CASR: variants seen among roughly 807,000 people sequenced by gnomAD.
CASR encodes extracellular calcium-sensing receptor.
Under a neutral mutation model 69.1 loss-of-function variants are expected in CASR, and 23 were observed. The observed-to-expected ratio is 0.33, with a 90% CI of 0.24 to 0.47. The LOEUF (loss-of-function observed/expected upper bound fraction) is 0.47, where lower values mean the gene tolerates loss of function less well. CASR is among the 20% of genes least tolerant of loss of function. The pLI is 1.00. For missense variants in CASR, 924 were observed against 1,356.1 expected, an observed-to-expected ratio of 0.68 and a Z score of 5.00; for synonymous variants, 541 against 544.7, an observed-to-expected ratio of 0.99 and a Z score of 0.10.
At chr3:122,270,380 C>T (rs1266523041) in intron 4 of CASR, among the ~76,000 whole-genome samples, 1 of 152,104 alleles carries the variant, frequency 6.6e-6, no homozygotes, top group Admixed American at 6.6e-5. Flanking sequence ...TGTAAATATG[C>T]ATCTTCTCCC....
Position 122,262,396 on chromosome 3 carries a change from A to T in CASR, c.1361A>T (p.Lys454Ile). ...FTNGSCADIK[K>I]VEAWQVLKHL... is the part of the protein sequence containing the mutation. ...AATGGCTCCTGTGCAGACATCAAGA[A>T]AGTTGAGGCGTGGCAGGTGCGTCCT... is the stretch of plus-strand genomic sequence containing the variant. Residue 454 changes from lysine (K) to isoleucine (I), a missense_variant, in exon 4 of 7, where the codon AAA (lysine) becomes ATA (isoleucine). By Grantham distance (102) the Lys-to-Ile change is moderately radical. This residue lies in a region of CASR where 310 missense variants were observed against 395.7 expected (regional missense o/e 0.78). Coordinates refer to ENST00000639785, the MANE Select transcript of CASR (RefSeq NM_000388.4). 1 of 1,613,220 alleles carries T rather than the reference A, an allele frequency of 6.2e-7. No homozygotes were observed.
chr3:122,206,631 G>T (rs531134721), intron 1 of CASR, among the ~76,000 whole-genome samples: 1 of 151,850 alleles, frequency 6.6e-6, no homozygotes, highest in East Asian at 1.9e-4. Context: ...TAATTTTTTT[G>T]AAGTGTTTGG....
In CASR at chr3:122,254,496, G is replaced by A. The variant is rs2074533589; in HGVS notation, c.185+122G>A. ...TCTTTTCAAGAATAGTGATTGATTG[G>A]TAATCATGCTGAAGCTTATTGCCCC... On this transcript the variant is annotated intron_variant, in intron 2 of 6. Transcript: ENST00000639785. The A allele has an allele frequency of 6.0e-6, 6 of 996,964 alleles. No individual in the cohort carries two copies. In the South Asian group the frequency reaches 6.8e-5, roughly 11 times the overall value. 61.8% of individuals were successfully genotyped at this position (996,964 alleles called of 1,614,324 possible).
Position 122,184,816 on chromosome 3 carries a change from C to A in CASR, c.-243+1004C>A, listed in dbSNP as rs559287698. On this transcript the variant is annotated intron_variant, in intron 1 of 6. Coordinates refer to ENST00000639785, the MANE Select transcript of CASR (RefSeq NM_000388.4). ...CCAAAACGCCTGCTGTTGGTAGTTT[C>A]TTGTGCCTCTGCCTTGTTTCTGCCT... Among the ~76,000 whole-genome samples, 23 of 152,372 alleles carry A rather than the reference C, an allele frequency of 1.5e-4. No individual in the cohort carries two copies. In the South Asian group the frequency reaches 4.6e-3, roughly 30 times the overall value.
At chr3:122,268,204 A>C (rs1436096508) in intron 4 of CASR, among the ~76,000 whole-genome samples, 1 of 152,238 alleles carries the variant, frequency 6.6e-6, no homozygotes, top group Non-Finnish European at 1.5e-5. Context: ...TATTATGAGG[A>C]TACCATTACT....
Position 122,291,179 on chromosome 3 carries a change from A to G in CASR, c.*5988A>G, listed in dbSNP as rs568684373. On this transcript the variant is annotated 3_prime_UTR_variant, in exon 7 of 7. Transcript: ENST00000639785. ...AGTCTTTGCTATTGTGAATAGTGCC[A>G]CAATAAACATATGTGTGCATGTGTC... 79 of 150,186 alleles carry G rather than the reference A, an allele frequency of 5.3e-4. No individual in the cohort carries two copies. Among genetic ancestry groups the G allele is most frequent in the Middle Eastern group, 3.4e-3 (1 of 290 alleles). 9.3% of individuals were successfully genotyped at this position (150,186 alleles called of 1,614,324 possible). A position where few individuals can be genotyped will look rare whatever the true frequency, so the allele number is the denominator to read the frequency against.
In CASR at chr3:122,261,163, A is replaced by C. The variant is rs561211722; in HGVS notation, c.493-365A>C. ...GATATATTATAACCAATGAGGCAGC[A>C]CAGAGGAGGTTAGAGAAGACATGAA... is the stretch of plus-strand genomic sequence containing the variant. On this transcript the variant is annotated intron_variant, in intron 3 of 6. Coordinates refer to ENST00000639785, the MANE Select transcript of CASR (RefSeq NM_000388.4). Among the ~76,000 whole-genome samples, 8 of 152,358 alleles carry C rather than the reference A, an allele frequency of 5.3e-5. No homozygotes were observed. In the East Asian group the frequency reaches 1.5e-3, roughly 29 times the overall value.
intron 1 of CASR, among the ~76,000 whole-genome samples, chr3:122,208,896 A>T (rs1313953444): frequency 6.6e-6 from 1 of 152,162 alleles, no homozygotes; most frequent in Admixed American, 6.5e-5. Flanking sequence ...ATTTAGGCTA[A>T]CGTAGTGGAG....
At chr3:122,227,727 G>T (rs947015130) in intron 1 of CASR, among the ~76,000 whole-genome samples, 1 of 152,056 alleles carries the variant, frequency 6.6e-6, no homozygotes, top group Non-Finnish European at 1.5e-5. Context: ...CTGCCAGCAC[G>T]CTGTCACCTC....
chr3:122,248,484 C>T (rs894388438), intron 1 of CASR, among the ~76,000 whole-genome samples: 7 of 151,926 alleles, frequency 4.6e-5, no homozygotes, highest in South Asian at 2.1e-4. Context: ...ATCATTGTGA[C>T]GAAAGAGAGT....
At chr3:122,197,957 T>C (rs956585846) in intron 1 of CASR, among the ~76,000 whole-genome samples, 3 of 152,242 alleles carry the variant, frequency 2.0e-5, no homozygotes, top group Non-Finnish European at 4.4e-5. Flanking sequence ...GATTTGGGCC[T>C]TCCCTGAAGC....
intron 1 of CASR, among the ~76,000 whole-genome samples, chr3:122,202,251 C>T (rs2073963279): frequency 4.6e-5 from 7 of 152,248 alleles, no homozygotes; most frequent in Admixed American, 3.9e-4. Flanking sequence ...ACCCCGTCTC[C>T]ACCAAAAAAT....
At chr3:122,238,921 G>A (rs9826241) in intron 1 of CASR, among the ~76,000 whole-genome samples, 3,297 of 152,254 alleles carry the variant, frequency 0.022, 113 homozygotes, top group African/African-American at 0.074. Context: ...AATAACCAAC[G>A]GTGATACCCA....
At chr3:122,244,008 A>G (rs2074403563) in intron 1 of CASR, among the ~76,000 whole-genome samples, 1 of 152,126 alleles carries the variant, frequency 6.6e-6, no homozygotes, top group African/African-American at 2.4e-5. Context: ...GAGTAGAAAG[A>G]TGGTTACCAG....
chr3:122,189,091 T>C (rs1559931828), intron 1 of CASR, among the ~76,000 whole-genome samples: 1 of 152,236 alleles, frequency 6.6e-6, no homozygotes, highest in Non-Finnish European at 1.5e-5. Context: ...ATGAACATTA[T>C]AATTAGGCAG....
At chr3:122,204,715 C>G (rs2073989760) in intron 1 of CASR, among the ~76,000 whole-genome samples, 1 of 152,138 alleles carries the variant, frequency 6.6e-6, no homozygotes, top group Non-Finnish European at 1.5e-5. Context: ...GTTCCCCTTT[C>G]TCCTCATTCT....
At chr3:122,199,859 C>T (rs2107586238) in intron 1 of CASR, among the ~76,000 whole-genome samples, 1 of 151,958 alleles carries the variant, frequency 6.6e-6, no homozygotes, top group African/African-American at 2.4e-5. Flanking sequence ...TTATTGTATA[C>T]TTTCAAATAG....
At chr3:122,203,237 T>C (rs2073974925) in intron 1 of CASR, among the ~76,000 whole-genome samples, 1 of 152,214 alleles carries the variant, frequency 6.6e-6, no homozygotes, top group African/African-American at 2.4e-5. Flanking sequence ...TGGACAGAGC[T>C]GACATTCCAA....
intron 4 of CASR, among the ~76,000 whole-genome samples, chr3:122,272,385 T>C (rs2074770535): frequency 6.6e-6 from 1 of 152,222 alleles, no homozygotes; most frequent in Non-Finnish European, 1.5e-5. Flanking sequence ...ACATGATTCT[T>C]GAGAAATTGA....
Sources: allele counts gnomAD v4.1 joint callset (sites outside exome capture counted in the v4.1 genomes callset), GRCh38; gene constraint gnomAD v4.1.1; regional missense constraint gnomAD v4.1.1; transcripts MANE v1.5; gene names NCBI Gene and HGNC (gene_info 2026-07-23, HGNC 2026-07-21).